The following GATA4 variants were observed in gnomAD, a reference collection of about 807,000 sequenced individuals.
GATA4 encodes transcription factor GATA-4.
GATA4 carries 7 observed loss-of-function variants against 37.9 expected under a neutral mutation model. The ratio of observed to expected loss-of-function variants is 0.18; its 90% CI spans 0.11 to 0.35. The LOEUF is 0.35. Among genes scored for constraint, GATA4 ranks in the 10% least tolerant of loss-of-function variants. GATA4 has a pLI of 1.00. For missense variants in GATA4, 647 were observed against 653.0 expected (o/e 0.99, Z 0.10); for synonymous variants, 372 against 292.6 (o/e 1.27, Z -2.77).
At chr8:11,702,740 C>G (rs1029939720), upstream of GATA4, among the ~76,000 whole-genome samples, 3 of 152,106 alleles carry the variant, frequency 2.0e-5, no homozygotes, top group East Asian at 1.9e-4. The surrounding 1 kb of genome is among the most constrained non-coding windows in gnomAD (Gnocchi z 4.4). Flanking sequence ...GCAGGCCCGC[C>G]GGGGTCTAGA....
At chr8:11,700,150 A>G (rs1252214691), upstream of GATA4, among the ~76,000 whole-genome samples, 2 of 152,142 alleles carry the variant, frequency 1.3e-5, no homozygotes, top group African/African-American at 4.8e-5. Context: ...GAAAAATGAG[A>G]TTTGAAAGTG....
intron 2 of GATA4, among the ~76,000 whole-genome samples, chr8:11,718,947 T>C (rs1800551022): frequency 6.6e-6 from 1 of 152,216 alleles, no homozygotes. Flanking sequence ...GTGTGGGAGT[T>C]TGAACCAGGG....
At chr8:11,703,805 A>G (rs2130037194), upstream of GATA4, among the ~76,000 whole-genome samples, 1 of 152,184 alleles carries the variant, frequency 6.6e-6, no homozygotes, top group Non-Finnish European at 1.5e-5. Context: ...TGCCCCACAC[A>G]AGATCGAGAG....
At chr8:11,727,615 G>A (rs1474741931) in intron 2 of GATA4, among the ~76,000 whole-genome samples, 5 of 152,144 alleles carry the variant, frequency 3.3e-5, no homozygotes, top group Admixed American at 3.3e-4. Flanking sequence ...GGCTGAGGCA[G>A]GCAGATCGCT....
intron 1 of GATA4, among the ~76,000 whole-genome samples, chr8:11,705,197 G>C (rs774539950): frequency 6.6e-6 from 1 of 152,226 alleles, no homozygotes; most frequent in Non-Finnish European, 1.5e-5. Flanking sequence ...GTGGAGGTTG[G>C]GGAAGCGCCT....
chr8:11,711,009 G>A (rs767149413), intron 2 of GATA4, among the ~76,000 whole-genome samples: 18 of 152,192 alleles, frequency 1.2e-4, no homozygotes, highest in Non-Finnish European at 2.4e-4. Flanking sequence ...TACTTGGGAG[G>A]CTGAGGCAGG....
In GATA4 at chr8:11,755,040, C is replaced by T. The variant is rs1802485622; in HGVS notation, c.913-6C>T. The T allele has an allele frequency of 6.2e-7, 1 of 1,612,898 alleles. No individual in the cohort carries two copies. The highest frequency in any genetic ancestry group is 8.5e-7 in the Non-Finnish European group (1 of 1,178,910). On this transcript the variant is annotated splice_polypyrimidine_tract_variant and splice_region_variant and intron_variant, in intron 4 of 6. Coordinates refer to ENST00000532059, the MANE Select transcript of GATA4 (RefSeq NM_001308093.3). ...AAACCCTATATATTTACTTGTGACC[C>T]TCCAGGTCCCCAGGCCTCTTGCAAT... is the stretch of plus-strand genomic sequence containing the variant.
intron 2 of GATA4, among the ~76,000 whole-genome samples, chr8:11,712,583 G>A (rs1053055037): frequency 6.6e-6 from 1 of 152,002 alleles, no homozygotes; most frequent in Non-Finnish European, 1.5e-5. Flanking sequence ...GAGGCCAGGT[G>A]CAGTGGCTCA....
At chr8:11,693,225 T>C (rs1799381439) in intron 1 of GATA4, among the ~76,000 whole-genome samples, 1 of 152,140 alleles carries the variant, frequency 6.6e-6, no homozygotes, top group Non-Finnish European at 1.5e-5. Flanking sequence ...CAGCACTTAG[T>C]GAGGCAGAGG....
chr8:11,703,404 C>T (rs1410295377), upstream of GATA4, among the ~76,000 whole-genome samples: 1 of 152,078 alleles, frequency 6.6e-6, no homozygotes. Flanking sequence ...ACATTCCCCT[C>T]CCCCATACCC....
upstream of GATA4, among the ~76,000 whole-genome samples, chr8:11,703,914 G>A (rs1469239314): frequency 2.0e-5 from 3 of 152,244 alleles, no homozygotes; most frequent in Non-Finnish European, 4.4e-5. Context: ...GGGAGAAAGG[G>A]AACTCATTAA....
At chr8:11,724,839 G>A (rs1478696798) in intron 2 of GATA4, among the ~76,000 whole-genome samples, 1 of 152,226 alleles carries the variant, frequency 6.6e-6, no homozygotes, top group East Asian at 1.9e-4. Flanking sequence ...CAGAGGACAT[G>A]GAGGGAAGGA....
chr8:11,697,644 C>A (rs1017812943), intron 1 of GATA4: 13 of 985,458 alleles, frequency 1.3e-5, no homozygotes, highest in Non-Finnish European at 1.4e-5. Context: ...GCACAGCCCC[C>A]CTTTCAGAGG....
chr8:11,686,610 C>T (rs1416565312), intron 1 of GATA4, among the ~76,000 whole-genome samples: 1 of 152,184 alleles, frequency 6.6e-6, no homozygotes, highest in Non-Finnish European at 1.5e-5. Context: ...TTTTCCAGCC[C>T]CCTACACTGC....
chr8:11,695,155 C>T (rs931508003), intron 1 of GATA4, among the ~76,000 whole-genome samples: 2 of 152,152 alleles, frequency 1.3e-5, no homozygotes, highest in Admixed American at 6.5e-5. Flanking sequence ...CCTTTAATCC[C>T]AGCACTTTGG....
At chr8:11,751,409 T>A (rs1319869084) in intron 4 of GATA4, among the ~76,000 whole-genome samples, 2 of 152,164 alleles carry the variant, frequency 1.3e-5, no homozygotes. Flanking sequence ...GGTCACATGG[T>A]CACATGTATG....
At chr8:11,706,370 T>C (rs1038475769) in intron 1 of GATA4, among the ~76,000 whole-genome samples, 1 of 152,238 alleles carries the variant, frequency 6.6e-6, no homozygotes, top group Admixed American at 6.5e-5. Context: ...TCTTGTATTA[T>C]ACTAGAAATC....
intron 1 of GATA4, chr8:11,694,430 T>C: frequency 1.0e-6 from 1 of 975,106 alleles, no homozygotes; most frequent in Non-Finnish European, 1.2e-6. Flanking sequence ...TCAGGGATCC[T>C]TTCTTTTCTT....
chr8:11,695,499 G>C (rs1308217989), intron 1 of GATA4, among the ~76,000 whole-genome samples: 1 of 152,230 alleles, frequency 6.6e-6, no homozygotes, highest in Non-Finnish European at 1.5e-5. Flanking sequence ...TTCACTGACT[G>C]CTTTTCCCTT....
Sources: gnomAD v4.1 joint callset for allele counts (sites outside exome capture counted in the v4.1 genomes callset) on GRCh38, gnomAD v4.1.1 for gene constraint, Gnocchi (gnomAD v3.1) non-coding constraint, MANE v1.5 for transcripts, NCBI Gene and HGNC (gene_info 2026-07-23, HGNC 2026-07-21) for gene names.